FOXP1: variants seen among roughly 807,000 people sequenced by gnomAD.
FOXP1 encodes the protein forkhead box protein P1.
A neutral mutation model predicts 98.2 loss-of-function variants in FOXP1; 15 were observed. The observed-to-expected ratio is 0.15, with a 90% CI of 0.10 to 0.24. FOXP1 has a LOEUF of 0.24. Among genes scored for constraint, FOXP1 ranks in the 10% least tolerant of loss-of-function variants. The pLI, the probability that FOXP1 is intolerant of heterozygous loss-of-function variation, is 1.00. For synonymous variants in FOXP1, 371 were observed against 314.5 expected, an observed-to-expected ratio of 1.18 and a Z score of -1.90; for missense variants, 633 against 848.5, an observed-to-expected ratio of 0.75 and a Z score of 3.15.
In FOXP1 at chr3:71,546,967, G is replaced by A. The variant is rs183079768; in HGVS notation, c.-298+34582C>T. ...GGGGAGAGAGACAGAGACACAGAGA[G>A]GAAGAGAGAAAGGAAGGAAGGCAAT... On this transcript the variant is annotated intron_variant, in intron 2 of 20. Coordinates refer to ENST00000649528, the MANE Select transcript of FOXP1 (RefSeq NM_001349338.3). 4.3e-3 allele frequency among the ~76,000 whole-genome samples: 648 copies of A among 152,246 alleles called. 4 individuals are homozygous for A. The highest frequency in any genetic ancestry group is 0.017 in the South Asian group (82 of 4,820).
chr3:71,156,544 G>C (rs2060832689), intron 6 of FOXP1, among the ~76,000 whole-genome samples: 1 of 152,218 alleles, frequency 6.6e-6, no homozygotes, highest in African/African-American at 2.4e-5. Context: ...AAGGTATTTT[G>C]CAGAATGAGG....
At chr3:71,311,853 A>G (rs986589769) in intron 4 of FOXP1, among the ~76,000 whole-genome samples, 1 of 152,074 alleles carries the variant, frequency 6.6e-6, no homozygotes, top group Non-Finnish European at 1.5e-5. Flanking sequence ...GCACCTTTCC[A>G]TCCCATTTCC....
At chr3:71,014,103 T>C (rs2044084246) in intron 12 of FOXP1, among the ~76,000 whole-genome samples, 1 of 152,114 alleles carries the variant, frequency 6.6e-6, no homozygotes, top group Non-Finnish European at 1.5e-5. Flanking sequence ...GGCAAGGACT[T>C]CATGACTAAA....
intron 5 of FOXP1, among the ~76,000 whole-genome samples, chr3:71,242,388 T>A (rs2067357476): frequency 6.6e-6 from 1 of 152,142 alleles, no homozygotes; most frequent in African/African-American, 2.4e-5. Context: ...CCTCATCGAA[T>A]CATAGCTACA....
At chr3:71,235,213 T>A (rs906345326) in intron 5 of FOXP1, among the ~76,000 whole-genome samples, 1 of 152,174 alleles carries the variant, frequency 6.6e-6, no homozygotes, top group African/African-American at 2.4e-5. Flanking sequence ...AGGGAAAAAC[T>A]TTTTGGTGTA....
At chr3:71,362,085 G>A (rs2078609140) in intron 3 of FOXP1, among the ~76,000 whole-genome samples, 2 of 152,106 alleles carry the variant, frequency 1.3e-5, no homozygotes, top group African/African-American at 4.8e-5. Flanking sequence ...TAAGGCCCCT[G>A]GATCACAATA....
At chr3:70,971,613 C>A (rs1214814407) in intron 18 of FOXP1, 1 of 160,266 alleles carries the variant, frequency 6.2e-6, no homozygotes, top group Non-Finnish European at 1.4e-5. Context: ...TCATTCACTT[C>A]ATTACATTTG....
At chr3:71,205,806 G>A (rs1241967801) in intron 5 of FOXP1, among the ~76,000 whole-genome samples, 1 of 152,238 alleles carries the variant, frequency 6.6e-6, no homozygotes, top group Non-Finnish European at 1.5e-5. Context: ...GACATGGCCA[G>A]TGGGGATCAT....
intron 2 of FOXP1, among the ~76,000 whole-genome samples, chr3:71,504,429 C>T (rs890750894): frequency 6.6e-6 from 1 of 152,178 alleles, no homozygotes; most frequent in Non-Finnish European, 1.5e-5. Flanking sequence ...GCTCATCTGA[C>T]CCACTGCCTC....
At chr3:71,110,484 G>A (rs1449975370) in intron 7 of FOXP1, among the ~76,000 whole-genome samples, 1 of 152,166 alleles carries the variant, frequency 6.6e-6, no homozygotes, top group Non-Finnish European at 1.5e-5. Flanking sequence ...TTTTAAGGCT[G>A]TAAGAGCTCC....
At chr3:71,460,421 G>GT (rs542521290) in intron 3 of FOXP1, among the ~76,000 whole-genome samples, 2 of 150,672 alleles carry the variant, frequency 1.3e-5, no homozygotes, top group Non-Finnish European at 3.0e-5. Context: ...TGATTTTTTG[G>GT]TTTTTTTCGT....
At chr3:70,977,434 G>A (rs2107306369) in intron 16 of FOXP1, among the ~76,000 whole-genome samples, 1 of 152,264 alleles carries the variant, frequency 6.6e-6, no homozygotes, top group South Asian at 2.1e-4. Flanking sequence ...CATTTTCACT[G>A]TTGTGTGAAA....
chr3:71,052,428 TAG>T (rs2050029353), intron 9 of FOXP1, 107 bp downstream of exon 9: 1 of 782,166 alleles, frequency 1.3e-6, no homozygotes, highest in Non-Finnish European at 2.3e-6. Context: ...TGAGAACCGA[TAG>T]AGTCAGCTCA....
At chr3:71,354,862 G>A (rs552692160) in intron 4 of FOXP1, among the ~76,000 whole-genome samples, 1 of 152,202 alleles carries the variant, frequency 6.6e-6, no homozygotes, top group African/African-American at 2.4e-5. Flanking sequence ...CCTGCCCCAG[G>A]CAAGTAAACT....
At chr3:71,331,129 T>C (rs2076267415) in intron 4 of FOXP1, among the ~76,000 whole-genome samples, 2 of 151,758 alleles carry the variant, frequency 1.3e-5, no homozygotes, top group Admixed American at 1.3e-4. Flanking sequence ...TGGGGAGGTG[T>C]GGAGAGAGAG....
At chr3:71,040,085 G>GT (rs1163919387) in intron 11 of FOXP1, among the ~76,000 whole-genome samples, 1 of 142,094 alleles carries the variant, frequency 7.0e-6, no homozygotes, top group Non-Finnish European at 1.5e-5. Context: ...AACATGGTGT[G>GT]TGTGTGTGTG....
At chr3:70,997,589 G>C (rs1383453375) in intron 13 of FOXP1, among the ~76,000 whole-genome samples, 1 of 152,098 alleles carries the variant, frequency 6.6e-6, no homozygotes, top group Non-Finnish European at 1.5e-5. Flanking sequence ...ATAACTAATG[G>C]ATATAACCTG....
intron 4 of FOXP1, among the ~76,000 whole-genome samples, chr3:71,322,266 T>C (rs1464120812): frequency 6.6e-6 from 1 of 152,250 alleles, no homozygotes; most frequent in Non-Finnish European, 1.5e-5. Flanking sequence ...ATTAGCCACA[T>C]GTGGCTTTTA....
intron 6 of FOXP1, among the ~76,000 whole-genome samples, chr3:71,162,945 A>AT (rs1423553483): frequency 5.9e-5 from 9 of 152,218 alleles, no homozygotes; most frequent in African/African-American, 2.2e-4. Context: ...AAGTACCATC[A>AT]TATGTCTTTC....
Sources: gnomAD v4.1 joint callset for allele counts (sites outside exome capture counted in the v4.1 genomes callset) on GRCh38, gnomAD v4.1.1 for gene constraint, MANE v1.5 for transcripts, NCBI Gene and HGNC (gene_info 2026-07-23, HGNC 2026-07-21) for gene names.